The following RXFP2 variants were observed in gnomAD, a reference collection of about 807,000 sequenced individuals.
The protein encoded by RXFP2 is relaxin receptor 2.
In RXFP2, 68 loss-of-function variants were observed where a neutral mutation model predicts 88.6. That is an observed-to-expected ratio of 0.77 (90% CI 0.63 to 0.94). RXFP2 has a LOEUF of 0.94. RXFP2 is among the 40% of genes least tolerant of loss of function. The probability of loss-of-function intolerance (pLI) is 0.00; values close to 1 mark genes in which losing one functional copy is unlikely to be tolerated. For synonymous variants in RXFP2, 329 were observed against 306.8 expected, an observed-to-expected ratio of 1.07 and a Z score of -0.76; for missense variants, 791 against 893.9, an observed-to-expected ratio of 0.88 and a Z score of 1.47.
intron 13 of RXFP2, 152 bp downstream of exon 13, chr13:31,786,789 ATAAG>A: frequency 9.8e-6 from 1 of 102,266 alleles, no homozygotes; most frequent in Non-Finnish European, 1.7e-5. Context: ...TGAATGACAA[ATAAG>A]CCTCATTATT....
intron 5 of RXFP2, among the ~76,000 whole-genome samples, chr13:31,768,093 A>C (rs1402370330): frequency 1.3e-5 from 2 of 152,206 alleles, no homozygotes; most frequent in Non-Finnish European, 2.9e-5. Flanking sequence ...CAATTTTCCT[A>C]GTGAAAAAAG....
chr13:31,745,459 G>A (rs1005896056), intron 1 of RXFP2, among the ~76,000 whole-genome samples: 4 of 152,208 alleles, frequency 2.6e-5, no homozygotes, highest in South Asian at 2.1e-4. Flanking sequence ...AATCTTGGGC[G>A]ATCAGAGTTA....
Position 31,780,852 on chromosome 13 carries a change from G to A in RXFP2, c.786-819G>A, listed in dbSNP as rs572760596. On this transcript the variant is annotated intron_variant, in intron 9 of 17. Transcript: ENST00000298386. ...ATCGTAAACAATGGGCGAACTTGCT[G>A]AGACACAGATGGCTGGACTTCAGTA... Among the ~76,000 whole-genome samples the A allele has an allele frequency of 3.3e-5, 5 of 152,326 alleles. No homozygotes were observed. The South Asian group carries it at 1.0e-3, about 32-fold the overall frequency.
In RXFP2 at chr13:31,792,963, T is replaced by G; in HGVS notation, c.1661T>G (p.Val554Gly). ...CIWMAGFLIA[V>G]IPFWNKDYFG... ...TGGATGGCGGGATTTTTAATAGCTG[T>G]AATTCCATTTTGGAATAAGGATTAT... Residue 554 changes from valine (V) to glycine (G), a missense_variant, in exon 16 of 18, where the codon GTA becomes GGA. Transcript: ENST00000298386. 2 of 1,614,222 alleles carry G rather than the reference T, an allele frequency of 1.2e-6. No individual in the cohort carries two copies. The highest frequency in any genetic ancestry group is 1.6e-4 in the Middle Eastern group (1 of 6,062).
At chr13:31,796,138 T>C (rs1053890934) in intron 16 of RXFP2, among the ~76,000 whole-genome samples, 9 of 140,508 alleles carry the variant, frequency 6.4e-5, no homozygotes, top group African/African-American at 1.0e-4. Context: ...CAAGCTCCGC[T>C]TCCCGGGTTC....
rs1871264478 is a variant in RXFP2 at position 31,742,663 on chromosome 13, G to T, written c.94+2957G>T. Among the ~76,000 whole-genome samples the T allele has an allele frequency of 1.3e-5, 2 of 152,132 alleles. 1 individual carries two copies. The highest frequency in any genetic ancestry group is 4.1e-4 in the South Asian group (2 of 4,822). On this transcript the variant is annotated intron_variant, in intron 1 of 17. Coordinates refer to ENST00000298386, the MANE Select transcript of RXFP2 (RefSeq NM_130806.5). ...CCAGATGTAATCAAAGAGTTTTAAG[G>T]CCTCTCACTTGAAGTGACAAAATTG...
chr13:31,786,155 G>C (rs1004888520), intron 11 of RXFP2, among the ~76,000 whole-genome samples: 2 of 152,210 alleles, frequency 1.3e-5, no homozygotes, highest in African/African-American at 4.8e-5. Context: ...GAGAGGGTAA[G>C]AGGAAATTCC....
chr13:31,772,001 G>C (rs957510326), intron 5 of RXFP2, among the ~76,000 whole-genome samples: 1 of 92,796 alleles, frequency 1.1e-5, no homozygotes, highest in Admixed American at 9.6e-5. Flanking sequence ...TTAATTGCCA[G>C]ATGAATGTGT....
chr13:31,761,546 A>ACC (rs1872301796), intron 2 of RXFP2, among the ~76,000 whole-genome samples, 178 bp from the exon 3 acceptor site: 9 of 152,216 alleles, frequency 5.9e-5, no homozygotes, highest in African/African-American at 9.6e-5. Context: ...TTTTCATGTA[A>ACC]AAAAGGGACA....
At chr13:31,781,309 G>T (rs554127395) in intron 9 of RXFP2, among the ~76,000 whole-genome samples, 1 of 152,168 alleles carries the variant, frequency 6.6e-6, no homozygotes, top group East Asian at 1.9e-4. Context: ...GTTAAATGGG[G>T]GATAATAGCA....
chr13:31,782,434 A>G (rs1873328172), intron 10 of RXFP2, among the ~76,000 whole-genome samples: 1 of 152,356 alleles, frequency 6.6e-6, no homozygotes, highest in African/African-American at 2.4e-5. Context: ...AGATCCAAAC[A>G]AAATGCAGCT....
chr13:31,742,885 T>C (rs1871271404), intron 1 of RXFP2, among the ~76,000 whole-genome samples: 1 of 152,166 alleles, frequency 6.6e-6, no homozygotes, highest in African/African-American at 2.4e-5. Context: ...GAGCCCAGAA[T>C]GGCTTGGTTT....
chr13:31,753,064 C>T (rs993085888), intron 1 of RXFP2, among the ~76,000 whole-genome samples: 9 of 152,186 alleles, frequency 5.9e-5, no homozygotes, highest in Admixed American at 4.6e-4. Flanking sequence ...GTGATGCACT[C>T]CTCCTTGGCC....
chr13:31,766,046 C>A lies in RXFP2; in HGVS notation c.497+19C>A. ...AAAAGATGTAAGTAGCCGTTAATAG[C>A]ATATTTATTTAAAAAAAATCCTCGT... On this transcript the variant is annotated intron_variant, in intron 5 of 17. Coordinates refer to ENST00000298386, the MANE Select transcript of RXFP2 (RefSeq NM_130806.5). The A allele has an allele frequency of 1.7e-6, 2 of 1,169,160 alleles. No homozygotes were observed. The highest frequency in any genetic ancestry group is 1.2e-6 in the Non-Finnish European group (1 of 821,108). 72.4% of individuals were successfully genotyped at this position (1,169,160 alleles called of 1,614,324 possible).
At chr13:31,746,683 G>T (rs138143704) in intron 1 of RXFP2, among the ~76,000 whole-genome samples, 4 of 149,144 alleles carry the variant, frequency 2.7e-5, no homozygotes, top group Admixed American at 2.0e-4. Context: ...AGTAGACATT[G>T]AATAGGTCAT....
At chr13:31,795,903 C>T (rs61946590) in intron 16 of RXFP2, among the ~76,000 whole-genome samples, 1 of 151,622 alleles carries the variant, frequency 6.6e-6, no homozygotes, top group East Asian at 1.9e-4. Context: ...AAGAATAATT[C>T]ACATAGTTGA....
At chr13:31,748,631 C>T (rs1463304538) in intron 1 of RXFP2, among the ~76,000 whole-genome samples, 1 of 151,856 alleles carries the variant, frequency 6.6e-6, no homozygotes, top group African/African-American at 2.4e-5. Context: ...AATTACAGAC[C>T]CTTTGCAAAT....
At chr13:31,790,638 T>A (rs779854640) in intron 14 of RXFP2, among the ~76,000 whole-genome samples, 1 of 152,208 alleles carries the variant, frequency 6.6e-6, no homozygotes, top group South Asian at 2.1e-4. Flanking sequence ...AGCTTCCATT[T>A]AGCTTTGGGA....
At chr13:31,759,394 A>AAAGAAAGAAAGAAAGAAAGAAAGAAAG (rs2138406076) in intron 2 of RXFP2, among the ~76,000 whole-genome samples, 1 of 145,212 alleles carries the variant, frequency 6.9e-6, no homozygotes, top group African/African-American at 2.5e-5. Flanking sequence ...AGAAAGAAAG[A>AAAGAAAGAAAGAAAGAAAGAAAGAAAG]AAGAAAGAAA....
Sources: gnomAD v4.1 joint callset for allele counts (sites outside exome capture counted in the v4.1 genomes callset) on GRCh38, gnomAD v4.1.1 for gene constraint, MANE v1.5 for transcripts, NCBI Gene and HGNC (gene_info 2026-07-23, HGNC 2026-07-21) for gene names.